Variants in HDAC9 observed in about 807,000 individuals in gnomAD.
HDAC9 encodes the protein MEF-2 interacting transcription repressor (MITR) protein.
A neutral mutation model predicts 139.4 loss-of-function variants in HDAC9; 41 were observed. The observed-to-expected ratio is 0.29, with a 90% CI of 0.23 to 0.38. HDAC9 has a LOEUF of 0.38. HDAC9 is among the 10% of genes least tolerant of loss of function. The pLI, the probability that HDAC9 is intolerant of heterozygous loss-of-function variation, is 1.00. For synonymous variants in HDAC9, 517 were observed against 476.2 expected, an observed-to-expected ratio of 1.09 and a Z score of -1.12; for missense variants, 1,147 against 1,297.0, an observed-to-expected ratio of 0.88 and a Z score of 1.78.
chr7:18,908,743 G>T (rs1406102739), intron 22 of HDAC9, among the ~76,000 whole-genome samples: 2 of 151,648 alleles, frequency 1.3e-5, no homozygotes, highest in Non-Finnish European at 2.9e-5. Context: ...CTTTCATTCT[G>T]TTTTAATGGT....
chr7:18,627,554 A>G (rs1473939662), intron 6 of HDAC9, among the ~76,000 whole-genome samples: 3 of 152,224 alleles, frequency 2.0e-5, no homozygotes, highest in African/African-American at 4.8e-5. Context: ...CAGTCCCAGT[A>G]TCTCACTTTA....
chr7:18,119,594 G>A lies in HDAC9; in HGVS notation c.-97+32381G>A, dbSNP rs149654312. The stretch of plus-strand genomic sequence containing the variant: ...ACAGGAAGAGAGATTGAGGAGCTTA[G>A]CCAGTTGATCAGAGGGATTTAATGG... On this transcript the variant is annotated intron_variant, in intron 1 of 12. Transcript: ENST00000417496. Among the ~76,000 whole-genome samples the A allele has an allele frequency of 4.6e-3, 695 of 152,336 alleles. 18 individuals are homozygous for A. The highest frequency in any genetic ancestry group is 0.037 in the Admixed American group (569 of 15,304).
At chr7:18,188,407 C>G (rs776098877) in intron 2 of HDAC9, among the ~76,000 whole-genome samples, 6 of 152,278 alleles carry the variant, frequency 3.9e-5, no homozygotes, top group African/African-American at 9.6e-5. Context: ...TAGAAGAAAA[C>G]CTAGGCAGTT....
intron 1 of HDAC9, among the ~76,000 whole-genome samples, chr7:18,356,371 T>TTTTG (rs1783297112): frequency 1.4e-5 from 2 of 143,744 alleles, no homozygotes; most frequent in African/African-American, 5.1e-5. Context: ...TTTTTTTTTT[T>TTTTG]TTTTTTTTTT....
At chr7:18,990,887 C>G (rs907664887) in intron 25 of HDAC9, among the ~76,000 whole-genome samples, 72 of 152,246 alleles carry the variant, frequency 4.7e-4, no homozygotes, top group African/African-American at 1.5e-3. Flanking sequence ...GAGGCAATGT[C>G]TCGCCCTGCT....
At chr7:18,984,882 A>G (rs1364342317) in intron 25 of HDAC9, among the ~76,000 whole-genome samples, 2 of 152,024 alleles carry the variant, frequency 1.3e-5, no homozygotes, top group Non-Finnish European at 2.9e-5. Flanking sequence ...TGCCAGTTGT[A>G]TTGTTATGGT....
intron 2 of HDAC9, among the ~76,000 whole-genome samples, chr7:18,516,625 C>T (rs577617712): frequency 6.6e-6 from 1 of 152,066 alleles, no homozygotes; most frequent in East Asian, 1.9e-4. Flanking sequence ...TTTGGGAGGC[C>T]GAGGTGGGTG....
chr7:18,822,474 A>T (rs886659512), intron 17 of HDAC9, among the ~76,000 whole-genome samples: 1 of 151,610 alleles, frequency 6.6e-6, no homozygotes, highest in Non-Finnish European at 1.5e-5. Context: ...CCTGCCTCAG[A>T]CTCCCGACTA....
intron 2 of HDAC9, among the ~76,000 whole-genome samples, chr7:18,527,968 A>T (rs553771031): frequency 7.9e-5 from 12 of 152,132 alleles, no homozygotes; most frequent in South Asian, 4.1e-4. Flanking sequence ...AGTTATTTTT[A>T]AAAAATACAC....
chr7:18,799,106 G>A (rs1422236727), intron 17 of HDAC9, among the ~76,000 whole-genome samples: 1 of 150,546 alleles, frequency 6.6e-6, no homozygotes, highest in Non-Finnish European at 1.5e-5. Flanking sequence ...GAGCCCCTCG[G>A]CAAAGGCTGG....
At chr7:18,805,640 T>C (rs1441613360) in intron 17 of HDAC9, among the ~76,000 whole-genome samples, 1 of 152,210 alleles carries the variant, frequency 6.6e-6, no homozygotes. Flanking sequence ...AAAGAGCTGA[T>C]GAAGGCCTGC....
chr7:18,375,136 C>T (rs1248876584), intron 1 of HDAC9, among the ~76,000 whole-genome samples: 5 of 152,176 alleles, frequency 3.3e-5, no homozygotes, highest in Non-Finnish European at 7.4e-5. Context: ...GAGATGATAG[C>T]TTCATGCATG....
At chr7:18,131,390 G>A (rs1397197016) in intron 1 of HDAC9, among the ~76,000 whole-genome samples, 1 of 152,106 alleles carries the variant, frequency 6.6e-6, no homozygotes, top group Non-Finnish European at 1.5e-5. Flanking sequence ...AAATCAAAAT[G>A]TTATGGTTAA....
chr7:18,119,342 A>G (rs1202916519), intron 1 of HDAC9, among the ~76,000 whole-genome samples: 1 of 152,218 alleles, frequency 6.6e-6, no homozygotes, highest in Non-Finnish European at 1.5e-5. Flanking sequence ...TTAGAGGCAA[A>G]ACTGATCTGA....
At chr7:18,955,195 C>G (rs965291947) in intron 24 of HDAC9, among the ~76,000 whole-genome samples, 1 of 152,076 alleles carries the variant, frequency 6.6e-6, no homozygotes, top group African/African-American at 2.4e-5. Flanking sequence ...ATTCAAGTCT[C>G]TGATATAAGC....
At position 18,968,685 on chromosome 7, in the gene HDAC9, C is replaced by T. The variant is rs1483844226; in HGVS notation, c.3023-7121C>T. The stretch of plus-strand genomic sequence containing the variant: ...GTTACAGAATCACTTTATCCCTGGA[C>T]GCAGTGGCTCACGCCTGTAATCCCA... On this transcript the variant is annotated intron_variant, in intron 24 of 25. Coordinates refer to ENST00000686413, the MANE Select transcript of HDAC9 (RefSeq NM_178425.4). 3.9e-5 allele frequency among the ~76,000 whole-genome samples: 6 copies of T among 152,068 alleles called. No homozygotes were observed. The South Asian group carries it at 8.3e-4, about 21-fold the overall frequency.
intron 13 of HDAC9, among the ~76,000 whole-genome samples, chr7:18,745,445 GA>G (rs1787850958): frequency 6.6e-6 from 1 of 151,572 alleles, no homozygotes; most frequent in African/African-American, 2.4e-5. Flanking sequence ...TTAAAAGGGG[GA>G]AACATTACTA....
At chr7:18,110,714 G>T (rs1202976832) in intron 1 of HDAC9, among the ~76,000 whole-genome samples, 1 of 152,178 alleles carries the variant, frequency 6.6e-6, no homozygotes, top group Non-Finnish European at 1.5e-5. Context: ...AATTTGGTAA[G>T]TGGCAACTAT....
chr7:18,922,460 A>C (rs1250654334), intron 22 of HDAC9, among the ~76,000 whole-genome samples: 5 of 152,244 alleles, frequency 3.3e-5, no homozygotes, highest in South Asian at 4.1e-4. Flanking sequence ...GATGACCTTC[A>C]AACCTCAATG....
Sources: allele counts gnomAD v4.1 joint callset (sites outside exome capture counted in the v4.1 genomes callset), GRCh38; gene constraint gnomAD v4.1.1; transcripts MANE v1.5; gene names NCBI Gene and HGNC (gene_info 2026-07-23, HGNC 2026-07-21).